Variants in ABCA13 observed in about 807,000 individuals in gnomAD.
ABCA13 encodes the protein ATP binding cassette subfamily A member 13.
In ABCA13, 476 loss-of-function variants were observed where a neutral mutation model predicts 478.7. The ratio of observed to expected loss-of-function variants is 0.99; its 90% confidence interval spans 0.92 to 1.07. The LOEUF (loss-of-function observed/expected upper bound fraction) is 1.07. Among genes scored for constraint, ABCA13 ranks in the 50% least tolerant of loss-of-function variants. The pLI is 0.00. For synonymous variants in ABCA13, 2,252 were observed against 2,158.9 expected (o/e 1.04, Z -1.20); for missense variants, 6,060 against 5,910.6 (o/e 1.03, Z -0.83).
intron 15 of ABCA13, 117 bp downstream of exon 15, chr7:48,249,468 C>T: frequency 1.5e-6 from 2 of 1,336,918 alleles, no homozygotes; most frequent in Non-Finnish European, 2.1e-6. Flanking sequence ...GGGTGGCTCT[C>T]CAAGCACAAT....
intron 48 of ABCA13, among the ~76,000 whole-genome samples, chr7:48,499,473 T>A (rs1300806717): frequency 6.6e-6 from 1 of 152,326 alleles, no homozygotes; most frequent in East Asian, 1.9e-4. Flanking sequence ...ATCTTAAGTA[T>A]CTTGCTATCA....
At chr7:48,448,740 A>G (rs191391328) in intron 42 of ABCA13, among the ~76,000 whole-genome samples, 29 of 152,374 alleles carry the variant, frequency 1.9e-4, no homozygotes, top group African/African-American at 6.7e-4. Context: ...TTATGAGATT[A>G]TCAATAAAAC....
chr7:48,572,531 G>A, intron 55 of ABCA13, among the ~76,000 whole-genome samples: 1 of 151,824 alleles, frequency 6.6e-6, no homozygotes, highest in East Asian at 1.9e-4. Flanking sequence ...TATACTCTTA[G>A]TATATTATGT....
chr7:48,611,997 A>G (rs1792071098), intron 58 of ABCA13: 1 of 152,146 alleles, frequency 6.6e-6, no homozygotes, highest in African/African-American at 2.4e-5. Flanking sequence ...CAACTATAAC[A>G]AAGAAACCTC....
intron 16 of ABCA13, 94 bp downstream of exon 16, chr7:48,269,188 A>T (rs1294574253): frequency 4.4e-6 from 3 of 680,144 alleles, no homozygotes; most frequent in Non-Finnish European, 7.6e-6. Context: ...TTTAAAATTT[A>T]TGAGCCTGAT....
chr7:48,381,571 C>T (rs1814394064), intron 35 of ABCA13, among the ~76,000 whole-genome samples: 1 of 152,094 alleles, frequency 6.6e-6, no homozygotes, highest in South Asian at 2.1e-4. Flanking sequence ...CTGCAGGTCT[C>T]CACGCTCGAG....
At chr7:48,431,282 C>A (rs1231354493) in intron 42 of ABCA13, among the ~76,000 whole-genome samples, 1 of 151,884 alleles carries the variant, frequency 6.6e-6, no homozygotes, top group Non-Finnish European at 1.5e-5. Flanking sequence ...GTGGAGGTTG[C>A]CTTGAGCCTA....
intron 52 of ABCA13, 67 bp downstream of exon 52, chr7:48,516,948 G>A: frequency 6.6e-7 from 1 of 1,507,900 alleles, no homozygotes; most frequent in Non-Finnish European, 9.0e-7. Context: ...GTTAACTCAT[G>A]CCTCTTTTGT....
intron 43 of ABCA13, 86 bp from the exon 44 acceptor site, chr7:48,466,870 T>G: frequency 7.8e-7 from 1 of 1,279,374 alleles, no homozygotes; most frequent in East Asian, 2.3e-5. Context: ...TAGGGCACAA[T>G]GTGAGGTCAG....
chr7:48,314,848 C>G (rs531645362), intron 26 of ABCA13, among the ~76,000 whole-genome samples: 1 of 152,130 alleles, frequency 6.6e-6, no homozygotes, highest in East Asian at 1.9e-4. Flanking sequence ...TAGGTACAAA[C>G]GAATATGTCA....
rs1796595367 is a variant in ABCA13 at position 48,278,536 on chromosome 7, G to T, written c.7342G>T (p.Val2448Phe). ...TGCTTTGTATCCTACCCTCCAAGAA[G>T]TTATACTTGCTAATCTAACGGATTT... ...FYALYPTLQE[V>F]ILANLTDLLF... Residue 2448 changes from valine to phenylalanine, a missense_variant, in exon 18 of 62, where the codon GTT (valine) becomes TTT (phenylalanine). This residue lies in a region of ABCA13 where 4,423 missense variants were observed against 4,309.1 expected (regional missense o/e 1.03). Coordinates refer to ENST00000435803, the MANE Select transcript of ABCA13 (RefSeq NM_152701.5). The T allele has an allele frequency of 7.4e-6, 12 of 1,613,792 alleles. No individual in the cohort carries two copies. Among genetic ancestry groups the T allele is most frequent in the Non-Finnish European group, 9.3e-6 (11 of 1,179,862 alleles).
At chr7:48,468,449 A>G (rs1827128969) in intron 44 of ABCA13, among the ~76,000 whole-genome samples, 2 of 152,140 alleles carry the variant, frequency 1.3e-5, no homozygotes, top group South Asian at 4.1e-4. Context: ...ACTCATTTCT[A>G]TATTTAATCA....
chr7:48,436,535 A>T (rs907999153), intron 42 of ABCA13, among the ~76,000 whole-genome samples: 1 of 151,442 alleles, frequency 6.6e-6, no homozygotes, highest in African/African-American at 2.4e-5. Context: ...CTGCTTTAGT[A>T]TTTACTCCAT....
intron 26 of ABCA13, among the ~76,000 whole-genome samples, chr7:48,316,902 C>A (rs775796367): frequency 2.0e-5 from 3 of 152,168 alleles, no homozygotes; most frequent in Non-Finnish European, 4.4e-5. Flanking sequence ...GGCACCGAAA[C>A]ATTCATGAGG....
chr7:48,646,321 T>G lies in ABCA13; in HGVS notation c.*809T>G, dbSNP rs1355287048. On this transcript the variant is annotated 3_prime_UTR_variant, in exon 62 of 62. Coordinates refer to ENST00000435803, the MANE Select transcript of ABCA13 (RefSeq NM_152701.5). The stretch of plus-strand genomic sequence containing the variant: ...GTCAGTGTTTTTCAAAGCGTAGTGG[T>G]CCCCATATTAGCTGCATTGCCATCT... 2 of 152,124 alleles carry G rather than the reference T, an allele frequency of 1.3e-5. No individual in the cohort carries two copies. Among genetic ancestry groups the G allele is most frequent in the Non-Finnish European group, 2.9e-5 (2 of 68,034 alleles). The allele number at this position is 152,124 out of a possible 1,614,324, so 9.4% of individuals were successfully genotyped here.
At chr7:48,384,088 A>G (rs1814800396) in intron 35 of ABCA13, among the ~76,000 whole-genome samples, 1 of 152,234 alleles carries the variant, frequency 6.6e-6, no homozygotes, top group South Asian at 2.1e-4. Flanking sequence ...ATTCAAATCT[A>G]TAAACACTTG....
chr7:48,351,967 C>T (rs2128984643), intron 30 of ABCA13, among the ~76,000 whole-genome samples: 1 of 152,312 alleles, frequency 6.6e-6, no homozygotes, highest in East Asian at 1.9e-4. Flanking sequence ...CAGCACTGGA[C>T]AGGGAATTAA....
At position 48,270,581 on chromosome 7, in the gene ABCA13, T is replaced by C. The variant is rs557100787; in HGVS notation, c.2121-1206T>C. 3.9e-5 allele frequency among the ~76,000 whole-genome samples: 6 copies of C among 152,268 alleles called. 1 individual carries two copies. The South Asian group carries it at 1.2e-3, about 32-fold the overall frequency. ...TTATGTTGAATTCCTAATAGAACTT[T>C]CCCTTTTCTGATGGGATTTTTTCCC... On this transcript the variant is annotated intron_variant, in intron 16 of 61. Coordinates refer to ENST00000435803, the MANE Select transcript of ABCA13 (RefSeq NM_152701.5).
chr7:48,514,349 A>G (rs1460890672), intron 51 of ABCA13, among the ~76,000 whole-genome samples: 11 of 152,212 alleles, frequency 7.2e-5, no homozygotes, highest in Non-Finnish European at 1.6e-4. Flanking sequence ...GGAGCAGAGA[A>G]AGACCCAGTC....
Sources: gnomAD v4.1 joint callset for allele counts (sites outside exome capture counted in the v4.1 genomes callset) on GRCh38, gnomAD v4.1.1 for gene constraint, gnomAD v4.1.1 regional missense constraint, MANE v1.5 for transcripts, NCBI Gene and HGNC (gene_info 2026-07-23, HGNC 2026-07-21) for gene names.